The following SLC2A5 variants were observed in gnomAD, a reference collection of about 807,000 sequenced individuals.
SLC2A5 encodes the protein solute carrier family 2, facilitated glucose transporter member 5.
Under a neutral mutation model 50.3 loss-of-function variants are expected in SLC2A5, and 56 were observed. The observed-to-expected ratio is 1.11, with a 90% CI of 0.90 to 1.39. The LOEUF is 1.39. Among genes scored for constraint, SLC2A5 ranks in the 40% most tolerant of loss-of-function variants. SLC2A5 has a pLI of 0.00. For missense variants in SLC2A5, 566 were observed against 650.1 expected, an observed-to-expected ratio of 0.87 and a Z score of 1.41; for synonymous variants, 269 against 281.9, an observed-to-expected ratio of 0.95 and a Z score of 0.46.
At chr1:9,071,092 G>A (rs1296867283), upstream of SLC2A5, among the ~76,000 whole-genome samples, 1 of 152,102 alleles carries the variant, frequency 6.6e-6, no homozygotes, top group Non-Finnish European at 1.5e-5. Flanking sequence ...GTGAGGAGAC[G>A]GGTACAGGTG....
chr1:9,091,757 C>T (rs1569932767), upstream of SLC2A5, among the ~76,000 whole-genome samples: 4 of 152,036 alleles, frequency 2.6e-5, no homozygotes, highest in East Asian at 1.9e-4. Context: ...TAGATGGGAG[C>T]GCATCAAAAA....
chr1:9,093,312 C>A (rs1020128619), upstream of SLC2A5, among the ~76,000 whole-genome samples: 2 of 152,146 alleles, frequency 1.3e-5, no homozygotes, highest in African/African-American at 4.8e-5. Flanking sequence ...ATTTTTCTCT[C>A]AAGAAAACAG....
At chr1:9,056,272 G>A (rs1446522703) in intron 3 of SLC2A5, among the ~76,000 whole-genome samples, 1 of 152,122 alleles carries the variant, frequency 6.6e-6, no homozygotes, top group South Asian at 2.1e-4. Flanking sequence ...GGCAACCTCC[G>A]CTTCCCAGGC....
intron 3 of SLC2A5, among the ~76,000 whole-genome samples, chr1:9,056,068 G>A (rs960499904): frequency 5.9e-5 from 9 of 152,158 alleles, no homozygotes; most frequent in East Asian, 1.9e-4. Context: ...AGAAGTGTCC[G>A]GCAGGTCTGA....
upstream of SLC2A5, among the ~76,000 whole-genome samples, chr1:9,070,922 C>T (rs553596522): frequency 1.1e-4 from 17 of 151,818 alleles, no homozygotes; most frequent in Admixed American, 9.8e-4. Context: ...TACTGCCTGT[C>T]TTTTTCTTCT....
At chr1:9,071,927 C>T (rs1359766859), upstream of SLC2A5, 1 of 162,980 alleles carries the variant, frequency 6.1e-6, no homozygotes, top group African/African-American at 2.4e-5. Context: ...CCCGGGTCCC[C>T]CTCGGCCTCT....
At chr1:9,080,626 A>G (rs1160209953) in intron 2 of SLC2A5, among the ~76,000 whole-genome samples, 2 of 152,200 alleles carry the variant, frequency 1.3e-5, no homozygotes, top group African/African-American at 4.8e-5. Context: ...GGCCGTCTGT[A>G]CATCTTTGGA....
At chr1:9,058,337 A>G in intron 1 of SLC2A5, 87 bp from the exon 2 acceptor site, 3 of 876,166 alleles carry the variant, frequency 3.4e-6, no homozygotes, top group Non-Finnish European at 5.7e-6. Flanking sequence ...AAGATGTAAC[A>G]GAATCTGAAG....
Position 9,038,855 on chromosome 1 carries a change from G to T in SLC2A5, c.1071C>A (p.Cys357Ter), listed in dbSNP as rs1459670002. 6.2e-6 allele frequency: 10 copies of T among 1,612,250 alleles called. No individual in the cohort carries two copies. The highest frequency in any genetic ancestry group is 8.5e-6 in the Non-Finnish European group (10 of 1,179,758). Residue 357 changes from cysteine to a stop codon, truncating the protein, a stop_gained, in exon 9 of 12, where the codon TGC (cysteine) becomes TGA (stop). Coordinates refer to ENST00000377424, the MANE Select transcript of SLC2A5 (RefSeq NM_003039.3). LOFTEE classifies it high-confidence loss of function. The stretch of plus-strand genomic sequence containing the variant: ...GCAGTGCCAGAGCTGCAGTGAGCAC[G>T]CAGCAGGCTATGAGGCAGATGGAGA... ...LGFSICLIACCVLTAALALQD... is the reference protein window; with the variant it reads ...LGFSICLIAC
chr1:9,069,673 A>G, upstream of SLC2A5: 8 of 874,090 alleles, frequency 9.2e-6, no homozygotes, highest in South Asian at 1.2e-4. Context: ...TAGCCAGATT[A>G]AGTCAGAATA....
At chr1:9,042,059 A>G (rs1319220199) in intron 4 of SLC2A5, 122 bp from the exon 5 acceptor site, 1 of 1,345,704 alleles carries the variant, frequency 7.4e-7, no homozygotes, top group Non-Finnish European at 9.8e-7. Flanking sequence ...AAAACTGCAA[A>G]GGAGAAAGCA....
At position 9,035,640 on chromosome 1, in the gene SLC2A5, ACACT is replaced by A. The variant is rs1448535265; in HGVS notation, c.*1942_*1945del. The A allele has an allele frequency of 6.6e-6, 1 of 152,184 alleles. No homozygotes were observed. The highest frequency in any genetic ancestry group is 2.4e-5 in the African/African-American group (1 of 41,424). The allele number at this position is 152,184 out of a possible 1,614,324, so 9.4% of individuals were successfully genotyped here. On this transcript the variant is annotated 3_prime_UTR_variant, in exon 12 of 12. Coordinates refer to ENST00000377424, the MANE Select transcript of SLC2A5 (RefSeq NM_003039.3). The stretch of plus-strand genomic sequence containing the variant: ...TATCCATATTTTTGCACATACACTC[ACACT>A]CACACCCTTTATTCATATCTCTAAG...
At chr1:9,052,620 T>G (rs913123803) in intron 3 of SLC2A5, among the ~76,000 whole-genome samples, 11 of 152,112 alleles carry the variant, frequency 7.2e-5, no homozygotes, top group Non-Finnish European at 1.5e-5. Context: ...TGGTGAGAGA[T>G]GTTGATAAAG....
intron 2 of SLC2A5, among the ~76,000 whole-genome samples, chr1:9,077,616 T>C (rs1338155561): frequency 6.6e-6 from 1 of 150,446 alleles, no homozygotes; most frequent in Non-Finnish European, 1.5e-5. Flanking sequence ...TTAGCTGGGC[T>C]TGGTGGCAGG....
chr1:9,063,529 C>T (rs1044860103), intron 1 of SLC2A5, among the ~76,000 whole-genome samples: 17 of 151,102 alleles, frequency 1.1e-4, no homozygotes, highest in Admixed American at 3.3e-4. Context: ...CATGCCACCA[C>T]GCCTGGCTAA....
intron 5 of SLC2A5, chr1:9,041,575 T>C: frequency 7.0e-7 from 1 of 1,425,860 alleles, no homozygotes; most frequent in Non-Finnish European, 9.2e-7. Flanking sequence ...AGGGACTAGA[T>C]AGTAAACGCT....
chr1:9,047,209 G>A (rs866902404), intron 4 of SLC2A5, among the ~76,000 whole-genome samples: 4 of 152,138 alleles, frequency 2.6e-5, no homozygotes, highest in African/African-American at 4.8e-5. Flanking sequence ...TGATCCTCCC[G>A]CCTCGGCTTC....
At chr1:9,073,928 G>A (rs1318414034), upstream of SLC2A5, among the ~76,000 whole-genome samples, 1 of 152,126 alleles carries the variant, frequency 6.6e-6, no homozygotes, top group Non-Finnish European at 1.5e-5. Context: ...AAAAATACAA[G>A]AATTAGCCAG....
In SLC2A5 at chr1:9,063,681, CTTTTTTT is replaced by C. The variant is rs70985579; in HGVS notation, c.34-5438_34-5432del. On this transcript the variant is annotated intron_variant, in intron 1 of 11. Transcript: ENST00000377424. ...AGCCAACACATCAGGCTATTATTTA[CTTTTTTT>C]TTTTTTTTTTTTTTTTTTTTTTTTG... Among the ~76,000 whole-genome samples, 72 of 45,168 alleles carry C rather than the reference CTTTTTTT, an allele frequency of 1.6e-3. No homozygotes were observed. In the East Asian group the frequency reaches 0.023, roughly 14 times the overall value. The allele number at this position is 45,168 out of a possible 152,430, so 29.6% of individuals were successfully genotyped here.
Sources: allele counts gnomAD v4.1 joint callset (sites outside exome capture counted in the v4.1 genomes callset), GRCh38; gene constraint gnomAD v4.1.1; transcripts MANE v1.5; gene names NCBI Gene and HGNC (gene_info 2026-07-23, HGNC 2026-07-21).